THOC5: variants seen among roughly 807,000 people sequenced by gnomAD.
The protein encoded by THOC5 is Fms-interacting protein.
In THOC5, 43 loss-of-function variants were observed where a neutral mutation model predicts 92.9. That is an observed-to-expected ratio of 0.46 (90% CI 0.36 to 0.60). THOC5 has a LOEUF of 0.60. Among genes scored for constraint, THOC5 ranks in the 20% least tolerant of loss-of-function variants. The pLI, the probability that THOC5 is intolerant of heterozygous loss-of-function variation, is 0.00. For synonymous variants in THOC5, 296 were observed against 320.1 expected (o/e 0.92, Z 0.80); for missense variants, 659 against 849.4 (o/e 0.78, Z 2.79).
At chr22:29,549,676 T>C (rs531593824) in intron 1 of THOC5, among the ~76,000 whole-genome samples, 1 of 152,340 alleles carries the variant, frequency 6.6e-6, no homozygotes, top group South Asian at 2.1e-4. Flanking sequence ...CCATATTCCC[T>C]GACTTGTCAT....
chr22:29,551,796 C>T (rs1008967209), intron 1 of THOC5, among the ~76,000 whole-genome samples: 1 of 123,368 alleles, frequency 8.1e-6, no homozygotes, highest in Non-Finnish European at 1.7e-5. Context: ...CCCTCCCCCT[C>T]CCCCCTCCCC....
chr22:29,518,429 C>A (rs2063374782), intron 15 of THOC5, among the ~76,000 whole-genome samples: 1 of 152,170 alleles, frequency 6.6e-6, no homozygotes, highest in African/African-American at 2.4e-5. Flanking sequence ...CTAAAAGAAG[C>A]CCCCAAATGC....
At chr22:29,528,772 A>G (rs1056433897) in intron 9 of THOC5, among the ~76,000 whole-genome samples, 1 of 152,162 alleles carries the variant, frequency 6.6e-6, no homozygotes, top group Admixed American at 6.5e-5. Context: ...ACAAATAATA[A>G]TAATAGTAGT....
chr22:29,544,264 T>C (rs2063964919), intron 3 of THOC5, among the ~76,000 whole-genome samples, 196 bp downstream of exon 3: 1 of 152,214 alleles, frequency 6.6e-6, no homozygotes, highest in Non-Finnish European at 1.5e-5. Context: ...TATCCTGTAC[T>C]TTCATTCCTG....
At chr22:29,546,580 C>T (rs1019277159) in intron 2 of THOC5, among the ~76,000 whole-genome samples, 6 of 151,874 alleles carry the variant, frequency 4.0e-5, no homozygotes, top group Admixed American at 2.0e-4. Flanking sequence ...GCTGGGATTA[C>T]AGGCACCTGC....
rs117492347 is a variant in THOC5, at chr22:29,534,990, C to T, written c.714+1634G>A. ...AAAAAAAAAAAAAAGCATTTTAGGC[C>T]GGGTGTGGGGGCTCATGCCTATAAT... On this transcript the variant is annotated intron_variant, in intron 7 of 19. Transcript: ENST00000490103. The T allele has an allele frequency of 5.2e-3, 742 of 143,736 alleles. 21 individuals are homozygous for T. In the East Asian group the frequency reaches 0.062, roughly 12 times the overall value. The allele number at this position is 143,736 out of a possible 1,614,324, so 8.9% of individuals were successfully genotyped here.
At chr22:29,553,079 G>A (rs1192156922) in intron 1 of THOC5, among the ~76,000 whole-genome samples, 3 of 152,108 alleles carry the variant, frequency 2.0e-5, no homozygotes, top group Admixed American at 6.5e-5. Flanking sequence ...CTAATCTCAA[G>A]TACCCAGGGA....
intron 3 of THOC5, 44 bp downstream of exon 3, chr22:29,544,416 A>G: frequency 6.3e-7 from 1 of 1,598,358 alleles, no homozygotes; most frequent in Non-Finnish European, 8.5e-7. Flanking sequence ...AGCCTCATCT[A>G]TGTAAACCCA....
chr22:29,520,911 G>T, intron 13 of THOC5, 87 bp downstream of exon 13: 1 of 977,214 alleles, frequency 1.0e-6, no homozygotes, highest in Non-Finnish European at 1.6e-6. Flanking sequence ...GGTCACCTCT[G>T]GCCCTAACAG....
At chr22:29,531,133 G>A in intron 8 of THOC5, 1 of 1,171,104 alleles carries the variant, frequency 8.5e-7, no homozygotes, top group Non-Finnish European at 1.1e-6. Context: ...ACAGGAGGGA[G>A]AACAAAGGGG....
rs961550685 is a variant in THOC5 at position 29,537,869 on chromosome 22, C to T, written c.600-1131G>A. ...TCACACCATTGCATTCCAGCCTGGGCGACAAGAGTGAAACTCTGTGTCAAA... is the reference window on the plus strand; with the variant it reads ...TCACACCATTGCATTCCAGCCTGGGTGACAAGAGTGAAACTCTGTGTCAAA... On this transcript the variant is annotated intron_variant, in intron 6 of 19. Transcript: ENST00000490103. Among the ~76,000 whole-genome samples, 6 of 151,548 alleles carry T rather than the reference C, an allele frequency of 4.0e-5. No homozygotes were observed. In the South Asian group the frequency reaches 6.3e-4, roughly 16 times the overall value.
At position 29,519,108 on chromosome 22, in the gene THOC5, C is replaced by A; in HGVS notation, c.1387G>T (p.Ala463Ser). ...TGGCTGGCGCTCAGCGAGTGGTCAG[C>A]AATCACTGTTTGCTGTGAGTGACAA... ...PKEQPQQTVIADHSLSASHME... is the reference protein window; with the variant it reads ...PKEQPQQTVISDHSLSASHME... Residue 463 changes from alanine (A) to serine (S), a missense_variant, in exon 15 of 20, where the codon GCT becomes TCT. By Grantham distance (99) the Ala-to-Ser change is moderately conservative. Coordinates refer to ENST00000490103, the MANE Select transcript of THOC5 (RefSeq NM_003678.5). 6.2e-7 allele frequency: 1 copy of A among 1,610,004 alleles called. No homozygotes were observed. The highest frequency in any genetic ancestry group is 1.1e-5 in the South Asian group (1 of 89,858).
chr22:29,525,007 T>C (rs2063515988), intron 12 of THOC5, among the ~76,000 whole-genome samples: 1 of 152,148 alleles, frequency 6.6e-6, no homozygotes, highest in South Asian at 2.1e-4. Context: ...GTATGGTGAC[T>C]CATGCCTGGA....
chr22:29,531,144 AG>A, intron 8 of THOC5: 3 of 1,161,128 alleles, frequency 2.6e-6, no homozygotes, highest in Admixed American at 3.9e-5. Context: ...AACAAAGGGG[AG>A]GGGAGGACCA....
At chr22:29,553,294 G>C (rs2064216049) in intron 1 of THOC5, among the ~76,000 whole-genome samples, 1 of 152,212 alleles carries the variant, frequency 6.6e-6, no homozygotes, top group Non-Finnish European at 1.5e-5. Context: ...GTGGTAAGTT[G>C]ATCTGGCAAA....
At chr22:29,536,508 T>G in intron 7 of THOC5, 116 bp downstream of exon 7, 4 of 663,806 alleles carry the variant, frequency 6.0e-6, no homozygotes, top group Non-Finnish European at 1.1e-5. Flanking sequence ...GACAAGGCCA[T>G]CCTTATACTA....
At chr22:29,518,550 C>G (rs902136139) in intron 15 of THOC5, among the ~76,000 whole-genome samples, 5 of 152,174 alleles carry the variant, frequency 3.3e-5, no homozygotes, top group Admixed American at 6.5e-5. Flanking sequence ...AAGGGATATG[C>G]GAGTTGCTCC....
intron 19 of THOC5, among the ~76,000 whole-genome samples, 189 bp from the exon 20 acceptor site, chr22:29,508,709 G>A (rs1172847161): frequency 6.6e-6 from 1 of 152,166 alleles, no homozygotes; most frequent in Non-Finnish European, 1.5e-5. Context: ...TTTTGTGCTT[G>A]CAAATGAGTG....
rs200515917 is a variant in THOC5 at position 29,508,435 on chromosome 22, A to G, written c.*22T>C. 1.2e-4 allele frequency: 188 copies of G among 1,613,726 alleles called. No homozygotes were observed. Among genetic ancestry groups the G allele is most frequent in the Admixed American group, 1.1e-3 (65 of 59,990 alleles). On this transcript the variant is annotated 3_prime_UTR_variant, in exon 20 of 20. Coordinates refer to ENST00000490103, the MANE Select transcript of THOC5 (RefSeq NM_003678.5). ...AGTGCTCAGGGTGAGGCCTTGGGGG[A>G]AACAACGGTCTGCGCGGGAGATCAG...
Sources: allele counts gnomAD v4.1 joint callset (sites outside exome capture counted in the v4.1 genomes callset), GRCh38; gene constraint gnomAD v4.1.1; transcripts MANE v1.5; gene names NCBI Gene and HGNC (gene_info 2026-07-23, HGNC 2026-07-21).